The following TMPRSS15 variants were observed in gnomAD, a reference collection of about 807,000 sequenced individuals.
TMPRSS15 encodes the protein transmembrane serine protease 15, also known as enteropeptidase.
Under a neutral mutation model 125.3 loss-of-function variants are expected in TMPRSS15, and 128 were observed. The observed-to-expected ratio is 1.02, with a 90% confidence interval of 0.89 to 1.18. The LOEUF is 1.18. TMPRSS15 is among the 50% of genes most tolerant of loss of function. The pLI, the probability that TMPRSS15 is intolerant of heterozygous loss-of-function variation, is 0.00. For missense variants in TMPRSS15, 1,283 were observed against 1,212.7 expected (o/e 1.06, Z -0.86); for synonymous variants, 446 against 423.2 (o/e 1.05, Z -0.66).
chr21:18,446,773 T>C (rs137897802), intron 1 of TMPRSS15, among the ~76,000 whole-genome samples: 62 of 152,272 alleles, frequency 4.1e-4, no homozygotes, highest in African/African-American at 1.4e-3. Context: ...CTATCTCTCA[T>C]CAGTTGCAAA....
At chr21:18,375,421 T>G (rs1601409618) in intron 5 of TMPRSS15, among the ~76,000 whole-genome samples, 2 of 152,314 alleles carry the variant, frequency 1.3e-5, no homozygotes, top group Middle Eastern at 3.4e-3. Context: ...CATTACTTAA[T>G]TTTTGTTCTA....
chr21:18,371,237 A>G (rs1031488416), intron 6 of TMPRSS15, among the ~76,000 whole-genome samples: 1 of 152,156 alleles, frequency 6.6e-6, no homozygotes, highest in Non-Finnish European at 1.5e-5. Flanking sequence ...CAATACTCAG[A>G]ATGATGTGCA....
At chr21:18,309,821 A>G (rs1328752417) in intron 18 of TMPRSS15, among the ~76,000 whole-genome samples, 2 of 152,158 alleles carry the variant, frequency 1.3e-5, no homozygotes, top group East Asian at 1.9e-4. Flanking sequence ...ACGCTTTTAC[A>G]CTGTTGGTGG....
At position 18,468,345 on chromosome 21, in the gene TMPRSS15, G is replaced by A. The variant is rs576125776; in HGVS notation, c.10+17454C>T. Among the ~76,000 whole-genome samples the A allele has an allele frequency of 2.6e-5, 4 of 152,144 alleles. No homozygotes were observed. The South Asian group carries it at 8.3e-4, about 32-fold the overall frequency. ...AGACAACTGCTTTATTTCAATTATG[G>A]TGACACAGCCAATTCAGGTTGGTAT... On this transcript the variant is annotated intron_variant, in intron 1 of 7. Coordinates refer to the TMPRSS15 transcript ENST00000422787.
Position 18,450,634 on chromosome 21 carries a change from G to C in TMPRSS15, c.10+35165C>G, listed in dbSNP as rs538900438. ...GCTCTGGTAAATAGCTGTCAGCAAGGGAAGGAGTTCAATACCTGTGGGCCA... is the reference window on the plus strand; with the variant it reads ...GCTCTGGTAAATAGCTGTCAGCAAGCGAAGGAGTTCAATACCTGTGGGCCA... On this transcript the variant is annotated intron_variant, in intron 1 of 7. Coordinates refer to the TMPRSS15 transcript ENST00000422787. 1.1e-4 allele frequency among the ~76,000 whole-genome samples: 17 copies of C among 152,156 alleles called. No individual in the cohort carries two copies. In the East Asian group the frequency reaches 3.3e-3, roughly 29 times the overall value.
chr21:18,281,575 T>G (rs573091365), intron 21 of TMPRSS15, among the ~76,000 whole-genome samples: 1 of 152,286 alleles, frequency 6.6e-6, no homozygotes, highest in African/African-American at 2.4e-5. Flanking sequence ...GGGTCTGGAA[T>G]AGTCCACCAG....
intron 21 of TMPRSS15, among the ~76,000 whole-genome samples, chr21:18,282,016 T>C (rs943420171): frequency 2.2e-5 from 3 of 137,898 alleles, no homozygotes; most frequent in Admixed American, 8.6e-5. Context: ...GAGAATGGCG[T>C]GAACCCGGGG....
intron 3 of TMPRSS15, among the ~76,000 whole-genome samples, chr21:18,393,423 A>G (rs1041433620): frequency 1.3e-5 from 2 of 152,192 alleles, no homozygotes; most frequent in Non-Finnish European, 2.9e-5. Flanking sequence ...GCAATATTGA[A>G]AAAAGATTCC....
At chr21:18,432,693 CAG>C (rs1424018479) in intron 1 of TMPRSS15, among the ~76,000 whole-genome samples, 1 of 152,144 alleles carries the variant, frequency 6.6e-6, no homozygotes, top group Admixed American at 6.5e-5. Context: ...CTAGGGGCTT[CAG>C]AGAGACCACA....
At chr21:18,344,447 T>G (rs907250791) in intron 10 of TMPRSS15, among the ~76,000 whole-genome samples, 5 of 152,208 alleles carry the variant, frequency 3.3e-5, no homozygotes, top group Non-Finnish European at 7.3e-5. Context: ...TAACTCAGAA[T>G]ATACACATAT....
In TMPRSS15 at chr21:18,471,583, A is replaced by C. The variant is rs112556014; in HGVS notation, c.10+14216T>G. On this transcript the variant is annotated intron_variant, in intron 1 of 7. Transcript: ENST00000422787. ...TGCAGAAATAAGGATACCTCAAAGA[A>C]TAAGTATGTGGGATAGACACGGTGT... 4.4e-3 allele frequency among the ~76,000 whole-genome samples: 674 copies of C among 152,254 alleles called. 6 individuals carry two copies. Among genetic ancestry groups the C allele is most frequent in the African/African-American group, 0.016 (653 of 41,554 alleles).
chr21:18,481,302 G>A (rs1371142879), intron 1 of TMPRSS15, among the ~76,000 whole-genome samples: 1 of 151,714 alleles, frequency 6.6e-6, no homozygotes. Context: ...CCTCAATTGA[G>A]TGTTGTCAGG....
At chr21:18,397,810 C>G in intron 3 of TMPRSS15, 69 bp downstream of exon 3, 1 of 869,182 alleles carries the variant, frequency 1.2e-6, no homozygotes. Context: ...TATAGTGATG[C>G]TATTTTACAA....
intron 3 of TMPRSS15, among the ~76,000 whole-genome samples, chr21:18,388,914 G>A (rs1019778323): frequency 2.0e-5 from 3 of 152,076 alleles, no homozygotes; most frequent in African/African-American, 4.8e-5. Context: ...ACCAATGAAA[G>A]AGGCTAAGAG....
chr21:18,469,232 A>C (rs770860075), intron 1 of TMPRSS15, among the ~76,000 whole-genome samples: 22 of 152,178 alleles, frequency 1.4e-4, no homozygotes, highest in Non-Finnish European at 2.8e-4. Context: ...TAATAAAAGA[A>C]GGAGATCACT....
intron 18 of TMPRSS15, among the ~76,000 whole-genome samples, chr21:18,300,408 C>G (rs560045480): frequency 2.0e-5 from 3 of 147,706 alleles, no homozygotes; most frequent in Non-Finnish European, 4.4e-5. Flanking sequence ...GTGGCTCAAT[C>G]TCGACTCACT....
intron 16 of TMPRSS15, among the ~76,000 whole-genome samples, chr21:18,316,699 C>A (rs1259792212): frequency 1.3e-5 from 2 of 151,976 alleles, no homozygotes; most frequent in Non-Finnish European, 2.9e-5. Context: ...TTGGGTTGTG[C>A]AAAAAGAGGC....
chr21:18,417,862 CACAT>C (rs2123184770), intron 1 of TMPRSS15, among the ~76,000 whole-genome samples: 1 of 152,266 alleles, frequency 6.6e-6, no homozygotes, highest in South Asian at 2.1e-4. Context: ...CACAATCACA[CACAT>C]ACACACATAC....
At chr21:18,279,427 G>A (rs1406638612) in intron 22 of TMPRSS15, among the ~76,000 whole-genome samples, 1 of 138,074 alleles carries the variant, frequency 7.2e-6, no homozygotes, top group Non-Finnish European at 1.5e-5. Context: ...CCAGGTTCAC[G>A]CCATTCTCCT....
Sources: allele counts gnomAD v4.1 joint callset (sites outside exome capture counted in the v4.1 genomes callset), GRCh38; gene constraint gnomAD v4.1.1; transcripts MANE v1.5; gene names NCBI Gene and HGNC (gene_info 2026-07-23, HGNC 2026-07-21).